The following MYLK4 variants were observed in gnomAD, a reference collection of about 807,000 sequenced individuals.
MYLK4 encodes myosin light chain kinase family member 4, also known as caMLCK like.
In MYLK4, 46 loss-of-function variants were observed where a neutral mutation model predicts 48.1. The observed-to-expected ratio is 0.96, with a 90% confidence interval of 0.75 to 1.22. The LOEUF is 1.22. MYLK4 is among the 50% of genes most tolerant of loss of function. MYLK4 has a pLI of 0.00. For synonymous variants in MYLK4, 170 were observed against 180.8 expected (o/e 0.94, Z 0.48); for missense variants, 451 against 486.1 (o/e 0.93, Z 0.68).
chr6:2,765,875 A>T, the MYLK4 span: 1 of 1,445,304 alleles, frequency 6.9e-7, no homozygotes, highest in Non-Finnish European at 9.1e-7. Flanking sequence ...GCAGCCAGCC[A>T]CCCCGACGGC....
chr6:2,729,840 T>C (rs987826538), intron 2 of MYLK4, among the ~76,000 whole-genome samples: 1 of 152,194 alleles, frequency 6.6e-6, no homozygotes, highest in African/African-American at 2.4e-5. Flanking sequence ...TTTTCATTTA[T>C]ATAAGCAAGA....
chr6:2,679,609 T>A, intron 8 of MYLK4: 1 of 686,564 alleles, frequency 1.5e-6, no homozygotes. Context: ...TCAAAATTCA[T>A]ACTAGGAAAC....
chr6:2,690,676 G>A (rs1240361964), intron 3 of MYLK4, among the ~76,000 whole-genome samples: 1 of 151,954 alleles, frequency 6.6e-6, no homozygotes, highest in Non-Finnish European at 1.5e-5. Flanking sequence ...TGGCCAAATC[G>A]TGACCCCAAG....
chr6:2,753,486 T>C (rs758427331), upstream of MYLK4, among the ~76,000 whole-genome samples: 5 of 152,158 alleles, frequency 3.3e-5, no homozygotes, highest in Non-Finnish European at 5.9e-5. Context: ...CACCACTGAA[T>C]ACGACCCATA....
chr6:2,724,338 T>C (rs542392682), intron 2 of MYLK4, among the ~76,000 whole-genome samples: 1 of 152,284 alleles, frequency 6.6e-6, no homozygotes, highest in South Asian at 2.1e-4. Context: ...AAAGGAGTTG[T>C]CCTGGATAGG....
chr6:2,732,711 TG>T (rs896957809), intron 2 of MYLK4, among the ~76,000 whole-genome samples: 1 of 151,014 alleles, frequency 6.6e-6, no homozygotes, highest in African/African-American at 2.4e-5. Flanking sequence ...ACATCCTGGG[TG>T]GTTGCTGTAG....
intron 2 of MYLK4, among the ~76,000 whole-genome samples, chr6:2,745,903 C>T (rs1264761590): frequency 2.7e-5 from 4 of 147,602 alleles, no homozygotes; most frequent in East Asian, 4.1e-4. Context: ...CCAGCCTGGG[C>T]GACAGAGTGA....
At chr6:2,698,216 A>T (rs1762140663) in intron 2 of MYLK4, among the ~76,000 whole-genome samples, 1 of 152,204 alleles carries the variant, frequency 6.6e-6, no homozygotes, top group South Asian at 2.1e-4. Context: ...GCTGTGACCC[A>T]CAGCCTGGAC....
intron 2 of MYLK4, among the ~76,000 whole-genome samples, chr6:2,699,282 C>CTTTTTTTTTTTTTTTTTTTTT (rs1762184790): frequency 3.1e-5 from 2 of 63,572 alleles, no homozygotes; most frequent in African/African-American, 1.2e-4. Context: ...CTTTTCTTTT[C>CTTTTTTTTTTTTTTTTTTTTT]TTTTCTTTTT....
chr6:2,694,869 AG>A (rs1762004950), intron 2 of MYLK4, among the ~76,000 whole-genome samples: 3 of 152,152 alleles, frequency 2.0e-5, no homozygotes, highest in Admixed American at 6.5e-5. Flanking sequence ...TACTTCAGCC[AG>A]TGCACCTAAC....
chr6:2,748,061 C>T (rs773165231), intron 2 of MYLK4, among the ~76,000 whole-genome samples: 2 of 152,174 alleles, frequency 1.3e-5, no homozygotes, highest in African/African-American at 2.4e-5. Flanking sequence ...ATTTCATTGT[C>T]TATTGCATTG....
chr6:2,683,238 G>C, intron 6 of MYLK4, 76 bp from the exon 7 acceptor site: 1 of 1,532,550 alleles, frequency 6.5e-7, no homozygotes, highest in Non-Finnish European at 9.0e-7. Context: ...GTGACTTGTC[G>C]TGCAAGTTCT....
intron 2 of MYLK4, among the ~76,000 whole-genome samples, chr6:2,743,229 T>G (rs1161797998): frequency 6.6e-6 from 1 of 152,212 alleles, no homozygotes; most frequent in African/African-American, 2.4e-5. Flanking sequence ...TTCAGACTGT[T>G]TTCCATAGTG....
At chr6:2,763,777 A>T in the MYLK4 span, among the ~76,000 whole-genome samples, 1 of 152,188 alleles carries the variant, frequency 6.6e-6, no homozygotes, top group African/African-American at 2.4e-5. Flanking sequence ...AAGGCAGAGG[A>T]GGCGCTGAGA....
intron 2 of MYLK4, among the ~76,000 whole-genome samples, chr6:2,694,578 C>CTGG (rs74207680): frequency 6.5e-4 from 30 of 46,214 alleles, no homozygotes; most frequent in South Asian, 1.7e-3. Context: ...GGTAGTGCTG[C>CTGG]TGGTGGTGGT....
At chr6:2,712,632 C>T (rs1237487564) in intron 2 of MYLK4, among the ~76,000 whole-genome samples, 1 of 152,176 alleles carries the variant, frequency 6.6e-6, no homozygotes, top group Non-Finnish European at 1.5e-5. Flanking sequence ...GAACCTCCAA[C>T]GATTTTGAGG....
chr6:2,715,035 T>C (rs4959708), intron 2 of MYLK4, among the ~76,000 whole-genome samples: 129,419 of 151,846 alleles, frequency 0.85, 55,245 homozygotes, highest in Admixed American at 0.89. Context: ...GAGGCCACGG[T>C]GGGCAGATCA....
chr6:2,700,057 T>C (rs1187566092), intron 2 of MYLK4, among the ~76,000 whole-genome samples: 4 of 152,198 alleles, frequency 2.6e-5, no homozygotes, highest in Admixed American at 1.3e-4. Flanking sequence ...CTTATACCCA[T>C]TGGATGTGCT....
Position 2,673,812 on chromosome 6 carries a change from C to G in MYLK4, c.1119+1235G>C. On this transcript the variant is annotated intron_variant, in intron 11 of 12. Transcript: ENST00000274643. The surrounding 1 kb of genome is among the most constrained non-coding windows in gnomAD (Gnocchi z 4.2). Reference sequence around the variant, plus strand: ...CTGCAGTCACTCAGGGGAGGCATGTCCCAGGCCACGGTCACCATGGGAATG... The same window carrying G: ...CTGCAGTCACTCAGGGGAGGCATGTGCCAGGCCACGGTCACCATGGGAATG... Among the ~76,000 whole-genome samples the G allele has an allele frequency of 6.6e-6, 1 of 152,174 alleles. No homozygotes were observed. The highest frequency in any genetic ancestry group is 2.1e-4 in the South Asian group (1 of 4,832).
Sources: gnomAD v4.1 joint callset for allele counts (sites outside exome capture counted in the v4.1 genomes callset) on GRCh38, gnomAD v4.1.1 for gene constraint, Gnocchi (gnomAD v3.1) non-coding constraint, MANE v1.5 for transcripts, NCBI Gene and HGNC (gene_info 2026-07-23, HGNC 2026-07-21) for gene names.